Variants in TIGD1 observed in about 807,000 individuals in gnomAD.
TIGD1 encodes the protein tigger transposable element-derived protein 1.
A neutral mutation model predicts 21.3 loss-of-function variants in TIGD1; 20 were observed. The ratio of observed to expected loss-of-function variants is 0.94; its 90% CI spans 0.66 to 1.36. The LOEUF is 1.36. Among genes scored for constraint, TIGD1 ranks in the 40% most tolerant of loss-of-function variants. The probability of loss-of-function intolerance (pLI) is 0.00; values close to 1 mark genes in which losing one functional copy is unlikely to be tolerated. For missense variants in TIGD1, 556 were observed against 350.5 expected (o/e 1.59, Z -4.68); for synonymous variants, 177 against 123.2 (o/e 1.44, Z -2.89).
Position 232,549,749 on chromosome 2 carries a change from T to C in TIGD1, c.134A>G (p.Gln45Arg), listed in dbSNP as rs1221033995. ...TGCATTTACAACTTGGCTAACTGTT[T>C]GCCGCAGGAGGCCTAGCCTTCGGCC... is the stretch of plus-strand genomic sequence containing the variant. The part of the protein sequence containing the change: ...EIGRRLGLLR[Q>R]TVSQVVNAKE... The change falls in exon 1 of 1, where the codon CAA (glutamine) becomes CGA (arginine). Residue 45 changes from glutamine to arginine, a missense_variant. Coordinates refer to ENST00000408957, the MANE Select transcript of TIGD1 (RefSeq NM_145702.4). 8 of 1,308,062 alleles carry C rather than the reference T, an allele frequency of 6.1e-6. No individual in the cohort carries two copies. Among genetic ancestry groups the C allele is most frequent in the Non-Finnish European group, 8.6e-6 (8 of 925,012 alleles). The allele number at this position is 1,308,062 out of a possible 1,614,324, so 81.0% of individuals were successfully genotyped here. A position where few individuals can be genotyped will look rare whatever the true frequency, so the allele number is the denominator to read the frequency against.
At position 232,545,919 on chromosome 2, in the gene TIGD1, G is replaced by A; in HGVS notation, c.*2188C>T. 1 of 668,558 alleles carries A rather than the reference G, an allele frequency of 1.5e-6. No homozygotes were observed. The highest frequency in any genetic ancestry group is 2.7e-6 in the Non-Finnish European group (1 of 373,226). 41.4% of individuals were successfully genotyped at this position (668,558 alleles called of 1,614,324 possible). A position where few individuals can be genotyped will look rare whatever the true frequency, so the allele number is the denominator to read the frequency against. Reference sequence around the variant, plus strand: ...TGGTTGGGGGTGGGCCGTGGCTAGTGTCCTGCTGCAGTCAGCACACACGTG... The same window carrying A: ...TGGTTGGGGGTGGGCCGTGGCTAGTATCCTGCTGCAGTCAGCACACACGTG... On this transcript the variant is annotated 3_prime_UTR_variant, in exon 1 of 1. Coordinates refer to ENST00000408957, the MANE Select transcript of TIGD1 (RefSeq NM_145702.4).
chr2:232,545,082 A>G lies in TIGD1; in HGVS notation c.*3025T>C, dbSNP rs575585087. 6.6e-6 allele frequency among the ~76,000 whole-genome samples: 1 copy of G among 152,196 alleles called. No homozygotes were observed. Among genetic ancestry groups the G allele is most frequent in the Non-Finnish European group, 1.5e-5 (1 of 68,000 alleles). ...GAGGCCGAGGCGAGTGGATCACCTG[A>G]GGTCAGGAGTTTGAGACCAGCCTGG... On this transcript the variant is annotated 3_prime_UTR_variant, in exon 1 of 1. Coordinates refer to ENST00000408957, the MANE Select transcript of TIGD1 (RefSeq NM_145702.4).
At position 232,546,293 on chromosome 2, in the gene TIGD1, G is replaced by T; in HGVS notation, c.*1814C>A. The T allele has an allele frequency of 6.8e-6, 1 of 147,206 alleles. No individual in the cohort carries two copies. Among genetic ancestry groups the T allele is most frequent in the Admixed American group, 6.7e-5 (1 of 14,954 alleles). 9.1% of individuals were successfully genotyped at this position (147,206 alleles called of 1,614,324 possible). ...GCCACTGACCACAAGACGATTTCCT[G>T]AGTTTTGTAATCCTCTTTTTTTTTT... is the stretch of plus-strand genomic sequence containing the variant. On this transcript the variant is annotated 3_prime_UTR_variant, in exon 1 of 1. Coordinates refer to ENST00000408957, the MANE Select transcript of TIGD1 (RefSeq NM_145702.4).
rs1692247443 is a variant in TIGD1 at position 232,550,026 on chromosome 2, A to C, written c.-144T>G. On this transcript the variant is annotated 5_prime_UTR_variant, in exon 1 of 1. Transcript: ENST00000408957. ...CATTAAGTTCCACGTCTTATAAAAGACGCTGTATGTGGCACCCCAAAACAA... is the reference window on the plus strand; with the variant it reads ...CATTAAGTTCCACGTCTTATAAAAGCCGCTGTATGTGGCACCCCAAAACAA... 1 of 518,380 alleles carries C rather than the reference A, an allele frequency of 1.9e-6. No individual in the cohort carries two copies. Among genetic ancestry groups the C allele is most frequent in the Admixed American group, 4.0e-5 (1 of 25,140 alleles). 32.1% of individuals were successfully genotyped at this position (518,380 alleles called of 1,614,324 possible). A position where few individuals can be genotyped will look rare whatever the true frequency, so the allele number is the denominator to read the frequency against.
rs1692121585 is a variant in TIGD1, at chr2:232,545,764, ACT to A, written c.*2341_*2342del. On this transcript the variant is annotated 3_prime_UTR_variant, in exon 1 of 1. Transcript: ENST00000408957. ...TGTGGGAGTCACACACGTGGGTCAC[ACT>A]GAGTCTTATCAGCCACGTTCTCCTA... 5 of 1,599,890 alleles carry A rather than the reference ACT, an allele frequency of 3.1e-6. No individual in the cohort carries two copies. In the East Asian group the frequency reaches 1.1e-4, roughly 36 times the overall value.
Position 232,548,916 on chromosome 2 carries a change from T to G in TIGD1, c.967A>C (p.Met323Leu). Reference protein sequence around the residue: ...EIYEEINVIFMPANTTSILQP... With the variant: ...EIYEEINVIFLPANTTSILQP... ...AGAATGGATGTTGTGTTAGCAGGCA[T>G]GAAAATAACATTAATCTCCTCGTAT... Residue 323 changes from methionine to leucine, a missense_variant, in exon 1 of 1, where the codon ATG (methionine) becomes CTG (leucine). Physicochemically the swap from Met to Leu is conservative, Grantham distance 15. Coordinates refer to ENST00000408957, the MANE Select transcript of TIGD1 (RefSeq NM_145702.4). The G allele has an allele frequency of 1.5e-6, 1 of 669,026 alleles. No homozygotes were observed. Among genetic ancestry groups the G allele is most frequent in the Non-Finnish European group, 2.7e-6 (1 of 365,530 alleles). 41.4% of individuals were successfully genotyped at this position (669,026 alleles called of 1,614,324 possible).
chr2:232,547,000 G>A lies in TIGD1; in HGVS notation c.*1107C>T, dbSNP rs1265392980. ...CTTCCTGGGGGAGAGGCAAGGTCCT[G>A]CTCTGAGATTACAGCCGGCACACGA... On this transcript the variant is annotated 3_prime_UTR_variant, in exon 1 of 1. Transcript: ENST00000408957. 1.3e-5 allele frequency among the ~76,000 whole-genome samples: 2 copies of A among 152,158 alleles called. No individual in the cohort carries two copies. Among genetic ancestry groups the A allele is most frequent in the Non-Finnish European group, 2.9e-5 (2 of 68,026 alleles).
rs1404949058 is a variant in TIGD1, at chr2:232,549,226, C to G, written c.657G>C (p.Leu219=). ...CTGCATTAGCCCCTAACAAGAGAGT[C>G]AGCCTGTCCTTTGAAGCTTTGAAGC... The part of the protein sequence containing the change: ...VPGFKASKDR[L]TLLLGANAAG... The change falls in exon 1 of 1, where the codon CTG becomes CTC. Residue 219 remains leucine (L), a synonymous_variant. Coordinates refer to ENST00000408957, the MANE Select transcript of TIGD1 (RefSeq NM_145702.4). 2.9e-5 allele frequency: 20 copies of G among 678,654 alleles called. No individual in the cohort carries two copies. Among genetic ancestry groups the G allele is most frequent in the Non-Finnish European group, 5.4e-5 (20 of 373,142 alleles). 42.0% of individuals were successfully genotyped at this position (678,654 alleles called of 1,614,324 possible). A position where few individuals can be genotyped will look rare whatever the true frequency, so the allele number is the denominator to read the frequency against.
rs757102614 is a variant in TIGD1, at chr2:232,544,742, C to T, written c.*3365G>A. ...CTCTGCCTGTTTCTCCTCCATTCTACTCCCAAACCTTACCCTTTCTCTTTA... is the reference window on the plus strand; with the variant it reads ...CTCTGCCTGTTTCTCCTCCATTCTATTCCCAAACCTTACCCTTTCTCTTTA... On this transcript the variant is annotated 3_prime_UTR_variant, in exon 1 of 1. Coordinates refer to ENST00000408957, the MANE Select transcript of TIGD1 (RefSeq NM_145702.4). The T allele has an allele frequency of 5.0e-6, 8 of 1,613,478 alleles. No individual in the cohort carries two copies. The highest frequency in any genetic ancestry group is 2.7e-5 in the African/African-American group (2 of 74,930).
Position 232,544,969 on chromosome 2 carries a change from G to T in TIGD1, c.*3138C>A. 1.3e-5 allele frequency: 21 copies of T among 1,603,940 alleles called. No individual in the cohort carries two copies. Among genetic ancestry groups the T allele is most frequent in the Non-Finnish European group, 1.8e-5 (21 of 1,173,846 alleles). The stretch of plus-strand genomic sequence containing the variant: ...GGGCTTGGAACCGTGATAGAGACAG[G>T]ATGAGTGGGGTTGCCAAGATAGGGC... On this transcript the variant is annotated 3_prime_UTR_variant, in exon 1 of 1. Transcript: ENST00000408957.
At position 232,545,639 on chromosome 2, in the gene TIGD1, C is replaced by T. The variant is rs769004359; in HGVS notation, c.*2468G>A. 3.1e-6 allele frequency: 5 copies of T among 1,614,204 alleles called. No homozygotes were observed. Among genetic ancestry groups the T allele is most frequent in the Non-Finnish European group, 3.4e-6 (4 of 1,180,038 alleles). ...CATCTGTGGCACAGCTGGCATCTTC[C>T]TCATGGCCCACTACAACCGGGTGCC... On this transcript the variant is annotated 3_prime_UTR_variant, in exon 1 of 1. Transcript: ENST00000408957.
chr2:232,546,328 T>TTC lies in TIGD1; in HGVS notation c.*1778_*1779insGA, dbSNP rs1692135013. The stretch of plus-strand genomic sequence containing the variant: ...ATCCTCTTTTTTTTTTTTTTTTTTT[T>TTC]AGTTTTTGATGTGTTGTTGTTGTTT... On this transcript the variant is annotated 3_prime_UTR_variant, in exon 1 of 1. Transcript: ENST00000408957. 2.0e-5 allele frequency: 3 copies of TTC among 152,994 alleles called. No individual in the cohort carries two copies. Among genetic ancestry groups the TTC allele is most frequent in the Non-Finnish European group, 4.3e-5 (3 of 69,894 alleles). The allele number at this position is 152,994 out of a possible 1,614,324, so 9.5% of individuals were successfully genotyped here.
Position 232,549,293 on chromosome 2 carries a change from G to C in TIGD1, c.590C>G (p.Pro197Arg). 1 of 667,218 alleles carries C rather than the reference G, an allele frequency of 1.5e-6. No homozygotes were observed. Among genetic ancestry groups the C allele is most frequent in the Non-Finnish European group, 2.7e-6 (1 of 369,856 alleles). 41.3% of individuals were successfully genotyped at this position (667,218 alleles called of 1,614,324 possible). The change falls in exon 1 of 1, where the codon CCA becomes CGA. Residue 197 changes from proline to arginine, a missense_variant. Physicochemically the swap from Pro to Arg is moderately radical, Grantham distance 103. Transcript: ENST00000408957. ...CTCTCTAGCTATGAAAGTTCTAGAT[G>C]GCATCTTCTTCCAATAGAAGGCTGT... ...DETAFYWKKM[P>R]SRTFIAREEK...
chr2:232,545,519 C>T lies in TIGD1; in HGVS notation c.*2588G>A, dbSNP rs770179639. On this transcript the variant is annotated 3_prime_UTR_variant, in exon 1 of 1. Transcript: ENST00000408957. The stretch of plus-strand genomic sequence containing the variant: ...AAGACCTGGTGCCGCCGCTGGTTAT[C>T]CCACACCTGCCTCCCACCCTCAGGG... 3.1e-6 allele frequency: 5 copies of T among 1,610,674 alleles called. No individual in the cohort carries two copies. The highest frequency in any genetic ancestry group is 3.4e-6 in the Non-Finnish European group (4 of 1,178,734).
Position 232,546,743 on chromosome 2 carries a change from A to C in TIGD1, c.*1364T>G, listed in dbSNP as rs1692141129. 1.3e-5 allele frequency among the ~76,000 whole-genome samples: 2 copies of C among 152,280 alleles called. No homozygotes were observed. Among genetic ancestry groups the C allele is most frequent in the Non-Finnish European group, 2.9e-5 (2 of 68,032 alleles). Reference sequence around the variant, plus strand: ...TAGAGTAAGCGGGACTCCACACAACAGTGGTGGTTAAACAAGGTTTGAAGT... The same window carrying C: ...TAGAGTAAGCGGGACTCCACACAACCGTGGTGGTTAAACAAGGTTTGAAGT... On this transcript the variant is annotated 3_prime_UTR_variant, in exon 1 of 1. Coordinates refer to ENST00000408957, the MANE Select transcript of TIGD1 (RefSeq NM_145702.4).
In TIGD1 at chr2:232,548,897, G is replaced by C; in HGVS notation, c.986C>G (p.Ser329Cys). 7.6e-6 allele frequency: 5 copies of C among 656,356 alleles called. No individual in the cohort carries two copies. Among genetic ancestry groups the C allele is most frequent in the Non-Finnish European group, 1.1e-5 (4 of 360,028 alleles). The allele number at this position is 656,356 out of a possible 1,614,324, so 40.7% of individuals were successfully genotyped here. ...NVIFMPANTT[S>C]ILQPMDQGVI... ...CCCTTGATCCATGGGCTGCAGAATG[G>C]ATGTTGTGTTAGCAGGCATGAAAAT... Residue 329 changes from serine to cysteine, a missense_variant, in exon 1 of 1, where the codon TCC becomes TGC. Ser to Cys is a moderately radical substitution (Grantham distance 112). Transcript: ENST00000408957.
chr2:232,548,706 C>T lies in TIGD1; in HGVS notation c.1177G>A (p.Glu393Lys). The change falls in exon 1 of 1, where the codon GAG (glutamate) becomes AAG (lysine). Residue 393 changes from glutamate to lysine, a missense_variant. Coordinates refer to ENST00000408957, the MANE Select transcript of TIGD1 (RefSeq NM_145702.4). ...AIKNIRDSWE[E>K]VKLSTLTGVW... is the part of the protein sequence containing the mutation. Reference sequence around the variant, plus strand: ...CCTGTTAATGTTGACAATTTGACCTCCTCCCATGAATCACGAATGTTTTTA... The same window carrying T: ...CCTGTTAATGTTGACAATTTGACCTTCTCCCATGAATCACGAATGTTTTTA... The T allele has an allele frequency of 2.0e-6, 1 of 488,560 alleles. No individual in the cohort carries two copies. Among genetic ancestry groups the T allele is most frequent in the Non-Finnish European group, 3.9e-6 (1 of 255,484 alleles). The allele number at this position is 488,560 out of a possible 1,614,324, so 30.3% of individuals were successfully genotyped here.
chr2:232,544,556 G>A lies in TIGD1; in HGVS notation c.*3551C>T, dbSNP rs1418092198. On this transcript the variant is annotated 3_prime_UTR_variant, in exon 1 of 1. Coordinates refer to ENST00000408957, the MANE Select transcript of TIGD1 (RefSeq NM_145702.4). Reference sequence around the variant, plus strand: ...CCAGCAGTGGCAGCGGCAAGGGCTGGTGGCGGCAGCGCTGGAGAAGCTAGG... The same window carrying A: ...CCAGCAGTGGCAGCGGCAAGGGCTGATGGCGGCAGCGCTGGAGAAGCTAGG... 4 of 1,613,526 alleles carry A rather than the reference G, an allele frequency of 2.5e-6. No individual in the cohort carries two copies. The Admixed American group carries it at 6.7e-5, about 27-fold the overall frequency.
At position 232,548,269 on chromosome 2, in the gene TIGD1, CTTCCT is replaced by C. The variant is rs1380908412; in HGVS notation, c.1609_1613del (p.Arg537GlufsTer14). On this transcript the variant is annotated frameshift_variant, in exon 1 of 1. Coordinates refer to ENST00000408957, the MANE Select transcript of TIGD1 (RefSeq NM_145702.4). LOFTEE classifies it high-confidence loss of function. ...GTGAAGCTTTTCGCATGAGTTGACT[CTTCCT>C]TTCATGAAAGATTTCTCTGTAGCAT... 3.2e-6 allele frequency: 5 copies of C among 1,540,598 alleles called. No individual in the cohort carries two copies. The highest frequency in any genetic ancestry group is 1.4e-5 in the African/African-American group (1 of 73,046).
Sources: gnomAD v4.1 joint callset for allele counts (sites outside exome capture counted in the v4.1 genomes callset) on GRCh38, gnomAD v4.1.1 for gene constraint, MANE v1.5 for transcripts, NCBI Gene and HGNC (gene_info 2026-07-23, HGNC 2026-07-21) for gene names.